Variants in LDLRAD4 observed in about 807,000 individuals in gnomAD.
LDLRAD4 encodes low density lipoprotein receptor class A domain containing 4, also known as low-density lipoprotein receptor class A domain-containing protein 4.
In LDLRAD4, 5 loss-of-function variants were observed where a neutral mutation model predicts 17.0. That is an observed-to-expected ratio of 0.29 (90% CI 0.15 to 0.62). The LOEUF is 0.62. Ranked by LOEUF, LDLRAD4 falls within the 20% of genes least tolerant of loss-of-function variation. LDLRAD4 has a pLI of 0.84. For missense variants in LDLRAD4, 340 were observed against 424.7 expected (o/e 0.80, Z 1.75); for synonymous variants, 168 against 171.8 (o/e 0.98, Z 0.17).
chr18:13,559,758 C>T (rs934454980), intron 3 of LDLRAD4, among the ~76,000 whole-genome samples: 1 of 152,210 alleles, frequency 6.6e-6, no homozygotes, highest in Non-Finnish European at 1.5e-5. Context: ...CTGCAAATGA[C>T]TTTTCCAGGA....
intron 3 of LDLRAD4, chr18:13,519,704 G>A (rs1285752212): frequency 6.6e-6 from 1 of 152,208 alleles, no homozygotes; most frequent in Non-Finnish European, 1.5e-5. Context: ...GGTGGAGGTT[G>A]CAGTGAGCCG....
At chr18:13,336,335 G>A (rs2082103901) in intron 1 of LDLRAD4, among the ~76,000 whole-genome samples, 1 of 152,176 alleles carries the variant, frequency 6.6e-6, no homozygotes, top group Admixed American at 6.5e-5. Context: ...GTTGTTGACT[G>A]TTCTGGGTCC....
chr18:13,336,510 T>C (rs1270604580), intron 1 of LDLRAD4, among the ~76,000 whole-genome samples: 1 of 152,222 alleles, frequency 6.6e-6, no homozygotes, highest in Non-Finnish European at 1.5e-5. Flanking sequence ...TTGTCATTCA[T>C]CCAAACCTAT....
intron 3 of LDLRAD4, among the ~76,000 whole-genome samples, chr18:13,536,795 C>G (rs1346586142): frequency 6.6e-6 from 1 of 152,054 alleles, no homozygotes; most frequent in Non-Finnish European, 1.5e-5. Flanking sequence ...GAGGAAGTCT[C>G]CTTCTGTTCC....
upstream of LDLRAD4, among the ~76,000 whole-genome samples, chr18:13,275,203 C>G (rs1464135744): frequency 6.6e-6 from 1 of 152,170 alleles, no homozygotes; most frequent in East Asian, 1.9e-4. Flanking sequence ...AAAAATGAGT[C>G]ACAAATTCTT....
intron 1 of LDLRAD4, among the ~76,000 whole-genome samples, chr18:13,302,025 G>A (rs1781635790): frequency 6.6e-6 from 1 of 152,208 alleles, no homozygotes; most frequent in Admixed American, 6.5e-5. Context: ...TAAATGTGAT[G>A]ATGTTTAGAA....
chr18:13,298,879 C>G (rs535743395), intron 1 of LDLRAD4, among the ~76,000 whole-genome samples: 5 of 152,202 alleles, frequency 3.3e-5, no homozygotes, highest in South Asian at 2.1e-4. Flanking sequence ...ATACGTCATG[C>G]GTAGTCTGAC....
At chr18:13,596,967 A>G (rs1481378517) in intron 3 of LDLRAD4, among the ~76,000 whole-genome samples, 3 of 152,200 alleles carry the variant, frequency 2.0e-5, no homozygotes, top group East Asian at 1.9e-4. Flanking sequence ...GGAAGAAGAA[A>G]TGTACATTTA....
chr18:13,262,541 C>T (rs2043929682), intron 1 of LDLRAD4, among the ~76,000 whole-genome samples: 1 of 128,086 alleles, frequency 7.8e-6, no homozygotes, highest in Non-Finnish European at 1.6e-5. Context: ...AACTGAGTCC[C>T]GTGCGGCTCT....
chr18:13,261,860 G>C (rs1025449817), intron 1 of LDLRAD4, among the ~76,000 whole-genome samples: 2 of 152,230 alleles, frequency 1.3e-5, no homozygotes, highest in Non-Finnish European at 2.9e-5. Flanking sequence ...AGGCAGGACT[G>C]CGAGTGCCAC....
intron 3 of LDLRAD4, among the ~76,000 whole-genome samples, chr18:13,605,815 C>T (rs910818549): frequency 3.3e-5 from 5 of 152,184 alleles, no homozygotes; most frequent in African/African-American, 1.2e-4. Flanking sequence ...TATGCTGGCA[C>T]CACGATTTCT....
At chr18:13,400,905 G>A (rs2087125413) in intron 2 of LDLRAD4, among the ~76,000 whole-genome samples, 1 of 152,228 alleles carries the variant, frequency 6.6e-6, no homozygotes, top group Non-Finnish European at 1.5e-5. Flanking sequence ...GCTGAGTAAG[G>A]TGGAGGCAGA....
intron 1 of LDLRAD4, among the ~76,000 whole-genome samples, chr18:13,313,882 AGTTT>A (rs1457134454): frequency 2.6e-5 from 4 of 152,180 alleles, no homozygotes; most frequent in Non-Finnish European, 5.9e-5. Flanking sequence ...TAAGGAGAGT[AGTTT>A]GTTTGGTTTT....
At chr18:13,497,300 C>T (rs1322001895) in intron 3 of LDLRAD4, among the ~76,000 whole-genome samples, 5 of 152,110 alleles carry the variant, frequency 3.3e-5, no homozygotes, top group African/African-American at 7.2e-5. Context: ...CCTCAGCCTC[C>T]GGAATAGCTG....
chr18:13,379,992 CCAGCCCCCTGCCCGT>C (rs1411130737), intron 1 of LDLRAD4, among the ~76,000 whole-genome samples: 2 of 149,204 alleles, frequency 1.3e-5, no homozygotes, highest in East Asian at 1.9e-4. Context: ...CCCCTGCCCG[CCAGCCCCCTGCCCGT>C]CAGCCCGAGC....
At chr18:13,642,820 G>A (rs1346972155) in intron 4 of LDLRAD4, 1 of 1,044,502 alleles carries the variant, frequency 9.6e-7, no homozygotes, top group Non-Finnish European at 1.2e-6. Flanking sequence ...ACTTTTCCAT[G>A]TTTCCTTTTG....
At chr18:13,647,713 A>T (rs1401695185) in exon 6 of LDLRAD4, 1 of 152,220 alleles carries the variant, frequency 6.6e-6, no homozygotes. Context: ...AACTAGTCCA[A>T]CTCTTAAAAG....
chr18:13,571,750 C>A (rs1306725420), intron 3 of LDLRAD4, among the ~76,000 whole-genome samples: 2 of 152,182 alleles, frequency 1.3e-5, no homozygotes. Context: ...CATTCTCCCG[C>A]CTCAGCCTCC....
chr18:13,497,371 G>A (rs1265471086), intron 3 of LDLRAD4, among the ~76,000 whole-genome samples: 1 of 151,980 alleles, frequency 6.6e-6, no homozygotes, highest in Non-Finnish European at 1.5e-5. Flanking sequence ...TAGAGACAAG[G>A]TCTCACTATG....
Sources: allele counts gnomAD v4.1 joint callset (sites outside exome capture counted in the v4.1 genomes callset), GRCh38; gene constraint gnomAD v4.1.1; transcripts MANE v1.5; gene names NCBI Gene and HGNC (gene_info 2026-07-23, HGNC 2026-07-21).